RALGPS2: variants seen among roughly 807,000 people sequenced by gnomAD.
RALGPS2 encodes the protein ras-specific guanine nucleotide-releasing factor RalGPS2.
In RALGPS2, 43 loss-of-function variants were observed where a neutral mutation model predicts 86.8. The ratio of observed to expected loss-of-function variants is 0.50; its 90% CI spans 0.39 to 0.64. The LOEUF is 0.64. RALGPS2 is among the 30% of genes least tolerant of loss of function. The probability of loss-of-function intolerance (pLI) is 0.00; values close to 1 mark genes in which losing one functional copy is unlikely to be tolerated. For missense variants in RALGPS2, 536 were observed against 694.6 expected (o/e 0.77, Z 2.57); for synonymous variants, 243 against 231.3 (o/e 1.05, Z -0.46).
In RALGPS2 at chr1:178,784,489, C is replaced by T. The variant is rs774509693; in HGVS notation, c.129C>T (p.Phe43=). Residue 43 remains phenylalanine (F), a synonymous_variant, in exon 3 of 20, where the codon TTC becomes TTT. Coordinates refer to ENST00000367635, the MANE Select transcript of RALGPS2 (RefSeq NM_152663.5). ...AGAAAAGCTTTGATGCTGTGGTATT[C>T]GATGTTCTTAAGGTTACACCAGAAG... The part of the protein sequence containing the change: ...ELKKSFDAVV[F]DVLKVTPEEY... 18 of 1,604,856 alleles carry T rather than the reference C, an allele frequency of 1.1e-5. No homozygotes were observed. The East Asian group carries it at 1.3e-4, about 12-fold the overall frequency.
intron 4 of RALGPS2, among the ~76,000 whole-genome samples, chr1:178,803,640 G>A (rs1210261789): frequency 1.3e-5 from 2 of 151,896 alleles, no homozygotes; most frequent in African/African-American, 2.4e-5. Flanking sequence ...CATATAGCTA[G>A]GCTAATTGAA....
In RALGPS2 at chr1:178,889,106, G is replaced by A. The variant is rs1448073108; in HGVS notation, c.1193-536G>A. On this transcript the variant is annotated intron_variant, in intron 13 of 19. Transcript: ENST00000367635. ...CCATTTTATTTTAACTGATCTTTTG[G>A]CCAAAGAGAAAATTGTTGCATTTTT... 2.6e-5 allele frequency among the ~76,000 whole-genome samples: 4 copies of A among 151,630 alleles called. 1 individual carries two copies. The East Asian group carries it at 7.7e-4, about 29-fold the overall frequency.
chr1:178,892,349 G>A (rs1170367610), intron 15 of RALGPS2, 42 bp downstream of exon 15: 1 of 1,553,712 alleles, frequency 6.4e-7, no homozygotes, highest in Non-Finnish European at 8.9e-7. Context: ...ACTCCCTTAT[G>A]GTGTTGGTGA....
intron 8 of RALGPS2, among the ~76,000 whole-genome samples, chr1:178,872,342 A>T (rs576569453): frequency 2.6e-4 from 39 of 152,330 alleles, no homozygotes; most frequent in Non-Finnish European, 1.8e-4. Context: ...TAGAAAGGCA[A>T]ATGCTCACAA....
At chr1:178,740,188 G>C (rs1033086250) in intron 1 of RALGPS2, among the ~76,000 whole-genome samples, 1 of 152,118 alleles carries the variant, frequency 6.6e-6, no homozygotes, top group African/African-American at 2.4e-5. Flanking sequence ...AGAAATCCTG[G>C]CAAGACTTTT....
rs1647302307 is a variant in RALGPS2 at position 178,921,409 on chromosome 1, A to G, written c.*5050A>G. 1.3e-5 allele frequency: 2 copies of G among 151,460 alleles called. No homozygotes were observed. The highest frequency in any genetic ancestry group is 3.0e-5 in the Non-Finnish European group (2 of 67,790). 9.4% of individuals were successfully genotyped at this position (151,460 alleles called of 1,614,324 possible). ...ATAGTCCAATAATTACTGACTTAAT[A>G]GGTATGGTAAAATAGCTGATAATAA... On this transcript the variant is annotated 3_prime_UTR_variant, in exon 20 of 20. Transcript: ENST00000367635.
rs1019900107 is a variant in RALGPS2, at chr1:178,921,647, T to C, written c.*5288T>C. 7 of 152,048 alleles carry C rather than the reference T, an allele frequency of 4.6e-5. No individual in the cohort carries two copies. Among genetic ancestry groups the C allele is most frequent in the Non-Finnish European group, 1.0e-4 (7 of 67,944 alleles). 9.4% of individuals were successfully genotyped at this position (152,048 alleles called of 1,614,324 possible). A position where few individuals can be genotyped will look rare whatever the true frequency, so the allele number is the denominator to read the frequency against. ...CTTTATCCCAATTAACTTGAGGTAC[T>C]CTAATGATGAAGCACTCGATTGCAC... is the stretch of plus-strand genomic sequence containing the variant. On this transcript the variant is annotated 3_prime_UTR_variant, in exon 20 of 20. Coordinates refer to ENST00000367635, the MANE Select transcript of RALGPS2 (RefSeq NM_152663.5).
chr1:178,910,967 A>G (rs1660600535), intron 19 of RALGPS2, among the ~76,000 whole-genome samples: 1 of 152,024 alleles, frequency 6.6e-6, no homozygotes. Context: ...TTAGGGATTC[A>G]GTTTCTTCCT....
At chr1:178,735,408 T>A (rs1323840463) in intron 1 of RALGPS2, among the ~76,000 whole-genome samples, 1 of 150,960 alleles carries the variant, frequency 6.6e-6, no homozygotes, top group Non-Finnish European at 1.5e-5. Flanking sequence ...GTGCTAGAAA[T>A]GTCTATATTT....
At chr1:178,888,037 A>G (rs1011344408) in intron 13 of RALGPS2, among the ~76,000 whole-genome samples, 2 of 152,140 alleles carry the variant, frequency 1.3e-5, no homozygotes, top group Non-Finnish European at 2.9e-5. Flanking sequence ...TTTACTTTTC[A>G]TGGATGTCCT....
chr1:178,835,994 C>T (rs923299040), intron 8 of RALGPS2, among the ~76,000 whole-genome samples: 1 of 151,922 alleles, frequency 6.6e-6, no homozygotes, highest in Non-Finnish European at 1.5e-5. Flanking sequence ...AATAGGAATC[C>T]TTATGCTGTG....
intron 1 of RALGPS2, among the ~76,000 whole-genome samples, chr1:178,770,227 C>T (rs1652725727): frequency 6.6e-6 from 1 of 151,934 alleles, no homozygotes; most frequent in African/African-American, 2.4e-5. Context: ...CCATGTCACC[C>T]AGGCTGGTCT....
Position 178,916,426 on chromosome 1 carries a change from G to A in RALGPS2, c.*67G>A, listed in dbSNP as rs373282632. ...GAGCATGAGGACCTGATAAAAGAGCGCCAGCTATAAACCATCCTGTGCCAG... is the reference window on the plus strand; with the variant it reads ...GAGCATGAGGACCTGATAAAAGAGCACCAGCTATAAACCATCCTGTGCCAG... On this transcript the variant is annotated 3_prime_UTR_variant, in exon 20 of 20. Coordinates refer to ENST00000367635, the MANE Select transcript of RALGPS2 (RefSeq NM_152663.5). The A allele has an allele frequency of 1.2e-5, 18 of 1,458,752 alleles. No individual in the cohort carries two copies. The highest frequency in any genetic ancestry group is 4.9e-5 in the South Asian group (4 of 82,410). The allele number at this position is 1,458,752 out of a possible 1,614,324, so 90.4% of individuals were successfully genotyped here. A position where few individuals can be genotyped will look rare whatever the true frequency, so the allele number is the denominator to read the frequency against.
At chr1:178,885,302 T>C in intron 12 of RALGPS2, 91 bp downstream of exon 12, 2 of 1,247,210 alleles carry the variant, frequency 1.6e-6, no homozygotes, top group Admixed American at 3.0e-5. Flanking sequence ...AATGGTATCC[T>C]TGAATAGTTT....
intron 4 of RALGPS2, among the ~76,000 whole-genome samples, chr1:178,786,206 T>A (rs1002636915): frequency 6.6e-6 from 1 of 152,044 alleles, no homozygotes; most frequent in Non-Finnish European, 1.5e-5. Flanking sequence ...CATGTGTTGT[T>A]TACAGGTCAG....
chr1:178,749,474 G>A (rs1362232497), intron 1 of RALGPS2, among the ~76,000 whole-genome samples: 2 of 152,148 alleles, frequency 1.3e-5, no homozygotes, highest in Non-Finnish European at 2.9e-5. Flanking sequence ...TGGATCTTTA[G>A]CATTTTCTTC....
intron 8 of RALGPS2, among the ~76,000 whole-genome samples, chr1:178,860,037 G>T (rs925264763): frequency 6.6e-6 from 1 of 151,914 alleles, no homozygotes; most frequent in African/African-American, 2.4e-5. Flanking sequence ...TACAAAAGAG[G>T]CAACTGGACC....
At chr1:178,785,441 C>T in intron 3 of RALGPS2, 116 bp from the exon 4 acceptor site, 6 of 1,109,384 alleles carry the variant, frequency 5.4e-6, no homozygotes, top group East Asian at 3.2e-5. Context: ...TTCCATAAGC[C>T]CTTATAAAAT....
At chr1:178,897,988 A>G (rs1660020029) in intron 17 of RALGPS2, among the ~76,000 whole-genome samples, 1 of 151,942 alleles carries the variant, frequency 6.6e-6, no homozygotes, top group Non-Finnish European at 1.5e-5. Context: ...TCAAATCTGG[A>G]GTTTCCTGTT....
Sources: allele counts gnomAD v4.1 joint callset (sites outside exome capture counted in the v4.1 genomes callset), GRCh38; gene constraint gnomAD v4.1.1; transcripts MANE v1.5; gene names NCBI Gene and HGNC (gene_info 2026-07-23, HGNC 2026-07-21).